USP15: variants seen among roughly 807,000 people sequenced by gnomAD.
USP15 encodes the protein ubiquitin carboxyl-terminal hydrolase 15.
In USP15, 18 loss-of-function variants were observed where a neutral mutation model predicts 127.1. The ratio of observed to expected loss-of-function variants is 0.14; its 90% CI spans 0.10 to 0.21. The LOEUF is 0.21. USP15 is among the 10% of genes least tolerant of loss of function. The probability of loss-of-function intolerance (pLI) is 1.00; values close to 1 mark genes in which losing one functional copy is unlikely to be tolerated. For missense variants in USP15, 805 were observed against 1,159.9 expected (o/e 0.69, Z 4.44); for synonymous variants, 364 against 393.7 (o/e 0.92, Z 0.89).
chr12:62,378,657 T>G (rs2066903322), intron 8 of USP15, among the ~76,000 whole-genome samples: 2 of 152,078 alleles, frequency 1.3e-5, no homozygotes, highest in South Asian at 4.1e-4. Context: ...CAGAGGATCA[T>G]TTACAAAGCA....
chr12:62,350,557 T>A (rs1266719416), intron 7 of USP15, among the ~76,000 whole-genome samples: 1 of 152,144 alleles, frequency 6.6e-6, no homozygotes, highest in Non-Finnish European at 1.5e-5. Context: ...TATATCAAGC[T>A]CATAAAAATC....
At position 62,364,259 on chromosome 12, in the gene USP15, C is replaced by T. The variant is rs184973139; in HGVS notation, c.915+8784C>T. Among the ~76,000 whole-genome samples the T allele has an allele frequency of 1.6e-3, 250 of 152,264 alleles. 3 individuals are homozygous for T. Among genetic ancestry groups the T allele is most frequent in the African/African-American group, 5.8e-3 (239 of 41,552 alleles). On this transcript the variant is annotated intron_variant, in intron 8 of 21. Coordinates refer to ENST00000280377, the MANE Select transcript of USP15 (RefSeq NM_001252078.2). The stretch of plus-strand genomic sequence containing the variant: ...AATGTCTAGATTCTCTGACGGCTTC[C>T]ATTATCCCCAAAATACAAGACTAGA...
At chr12:62,300,005 G>A (rs2064258930) in intron 2 of USP15, among the ~76,000 whole-genome samples, 1 of 151,848 alleles carries the variant, frequency 6.6e-6, no homozygotes, top group Non-Finnish European at 1.5e-5. Flanking sequence ...AGAATTGTTT[G>A]TCTTTTTATT....
chr12:62,347,457 C>T (rs1032058994), intron 6 of USP15, among the ~76,000 whole-genome samples: 3 of 151,444 alleles, frequency 2.0e-5, no homozygotes, highest in African/African-American at 4.8e-5. Context: ...CTATAAGATT[C>T]AGGGGAACAT....
chr12:62,367,516 A>G (rs953927746), intron 8 of USP15, among the ~76,000 whole-genome samples: 5 of 152,272 alleles, frequency 3.3e-5, no homozygotes, highest in Admixed American at 6.5e-5. Flanking sequence ...TTATGGGCCT[A>G]TTCAGGGATT....
chr12:62,400,580 A>C (rs1236101529), intron 20 of USP15, among the ~76,000 whole-genome samples: 1 of 150,352 alleles, frequency 6.7e-6, no homozygotes, highest in Non-Finnish European at 1.5e-5. Flanking sequence ...GACCGACTAC[A>C]CTTTTGTTAA....
At chr12:62,365,174 A>G (rs1468502040) in intron 8 of USP15, among the ~76,000 whole-genome samples, 3 of 152,200 alleles carry the variant, frequency 2.0e-5, no homozygotes, top group Admixed American at 6.5e-5. Context: ...ACTCCCACCA[A>G]CAGTGTAAAA....
intron 6 of USP15, among the ~76,000 whole-genome samples, chr12:62,337,174 A>G (rs1244183858): frequency 6.6e-6 from 1 of 152,200 alleles, no homozygotes; most frequent in African/African-American, 2.4e-5. Context: ...TCTTCATCGA[A>G]AGCCCAAATT....
intron 11 of USP15, among the ~76,000 whole-genome samples, chr12:62,386,358 A>AAG (rs2067149592): frequency 6.6e-6 from 1 of 151,888 alleles, no homozygotes; most frequent in Non-Finnish European, 1.5e-5. Flanking sequence ...AAAAATATTG[A>AAG]ATATATATTA....
At chr12:62,398,152 A>G (rs1214139269) in intron 20 of USP15, among the ~76,000 whole-genome samples, 2 of 151,390 alleles carry the variant, frequency 1.3e-5, no homozygotes, top group African/African-American at 4.9e-5. Flanking sequence ...CACCACACCC[A>G]GCTAATTTTT....
intron 2 of USP15, chr12:62,294,513 G>A (rs543144295): frequency 4.1e-5 from 18 of 436,368 alleles, no homozygotes; most frequent in Non-Finnish European, 6.6e-5. Flanking sequence ...TTTCATTTAT[G>A]ATGTAATAAG....
chr12:62,310,664 A>G (rs1034248006), intron 3 of USP15, among the ~76,000 whole-genome samples: 3 of 151,944 alleles, frequency 2.0e-5, no homozygotes, highest in Non-Finnish European at 4.4e-5. Flanking sequence ...ATATCTTGCT[A>G]TTGTAGATAG....
chr12:62,389,539 A>G lies in USP15; in HGVS notation c.1557+25A>G. On this transcript the variant is annotated intron_variant, in intron 12 of 21. Coordinates refer to ENST00000280377, the MANE Select transcript of USP15 (RefSeq NM_001252078.2). ...GGTAAGATGTTTCTGGGGTTGAAGT[A>G]TATAAGTTGGTATTTAGTTTCTCAG... 4 of 1,612,502 alleles carry G rather than the reference A, an allele frequency of 2.5e-6. No homozygotes were observed. In the South Asian group the frequency reaches 3.3e-5, roughly 13 times the overall value.
At chr12:62,291,879 A>G (rs569999777) in intron 1 of USP15, among the ~76,000 whole-genome samples, 1 of 152,324 alleles carries the variant, frequency 6.6e-6, no homozygotes, top group Admixed American at 6.5e-5. Context: ...AGAGGTCTCA[A>G]GAAGTGTATC....
At chr12:62,350,846 G>A (rs933961238) in intron 7 of USP15, among the ~76,000 whole-genome samples, 8 of 151,948 alleles carry the variant, frequency 5.3e-5, no homozygotes, top group Admixed American at 3.9e-4. Context: ...TGCTGGTTTC[G>A]AACTCCTGGG....
At chr12:62,303,015 T>C (rs1479389988) in intron 3 of USP15, 95 bp downstream of exon 3, 6 of 1,430,706 alleles carry the variant, frequency 4.2e-6, no homozygotes, top group South Asian at 2.7e-5. Flanking sequence ...TCATCACTTA[T>C]CTTAGAGAAA....
At chr12:62,272,757 C>A (rs1464095115) in intron 1 of USP15, among the ~76,000 whole-genome samples, 1 of 152,000 alleles carries the variant, frequency 6.6e-6, no homozygotes, top group African/African-American at 2.4e-5. Context: ...ATTATTCTAT[C>A]CACACCATAA....
intron 3 of USP15, among the ~76,000 whole-genome samples, chr12:62,307,743 G>A (rs538641225): frequency 7.2e-5 from 11 of 152,158 alleles, no homozygotes; most frequent in Non-Finnish European, 1.3e-4. Context: ...CTACCTTCCC[G>A]TTTGTCACTT....
intron 8 of USP15, among the ~76,000 whole-genome samples, chr12:62,369,357 T>C (rs865814829): frequency 6.6e-6 from 1 of 152,258 alleles, no homozygotes; most frequent in Middle Eastern, 3.4e-3. Flanking sequence ...AGTTTCTACA[T>C]TTTTTTCACC....
Sources: allele counts gnomAD v4.1 joint callset (sites outside exome capture counted in the v4.1 genomes callset), GRCh38; gene constraint gnomAD v4.1.1; transcripts MANE v1.5; gene names NCBI Gene and HGNC (gene_info 2026-07-23, HGNC 2026-07-21).